Variants in STPG2 observed in about 807,000 individuals in gnomAD.
The protein encoded by STPG2 is sperm tail PG-rich repeat containing 2, also known as sperm-tail PG-rich repeat-containing protein 2.
In STPG2, 56 loss-of-function variants were observed where a neutral mutation model predicts 54.2. The ratio of observed to expected loss-of-function variants is 1.03; its 90% CI spans 0.83 to 1.29. The LOEUF (loss-of-function observed/expected upper bound fraction) is 1.29, where lower values mean the gene tolerates loss of function less well. Ranked by LOEUF, STPG2 falls within the 50% of genes most tolerant of loss-of-function variation. STPG2 has a pLI of 0.00. For synonymous variants in STPG2, 200 were observed against 181.8 expected, an observed-to-expected ratio of 1.10 and a Z score of -0.81; for missense variants, 596 against 544.9, an observed-to-expected ratio of 1.09 and a Z score of -0.93.
intron 10 of STPG2, among the ~76,000 whole-genome samples, chr4:97,699,457 C>T (rs777871208): frequency 2.0e-5 from 3 of 152,220 alleles, no homozygotes; most frequent in Non-Finnish European, 4.4e-5. Context: ...ATCCACATAC[C>T]TCTTCCATAA....
chr4:97,648,552 A>G (rs556773282), intron 10 of STPG2, among the ~76,000 whole-genome samples: 21 of 152,278 alleles, frequency 1.4e-4, no homozygotes, highest in Admixed American at 4.6e-4. Context: ...AATGAAATTT[A>G]TTACTACTAA....
At chr4:98,026,720 C>CT (rs1736435354) in intron 5 of STPG2, among the ~76,000 whole-genome samples, 1 of 152,184 alleles carries the variant, frequency 6.6e-6, no homozygotes, top group Non-Finnish European at 1.5e-5. Flanking sequence ...GCTATGCCCT[C>CT]TCCAGTGAGA....
chr4:97,815,552 G>A (rs1243387071), intron 9 of STPG2, among the ~76,000 whole-genome samples: 4 of 151,966 alleles, frequency 2.6e-5, no homozygotes, highest in Admixed American at 1.3e-4. Flanking sequence ...TCACTCTCTT[G>A]TCATGTAACA....
intron 9 of STPG2, among the ~76,000 whole-genome samples, chr4:97,735,500 T>A (rs989140263): frequency 6.6e-6 from 1 of 150,842 alleles, no homozygotes; most frequent in East Asian, 1.9e-4. Flanking sequence ...TTCAGTGCTA[T>A]ATAATTCATC....
At chr4:97,735,111 C>T (rs1439447807) in intron 9 of STPG2, among the ~76,000 whole-genome samples, 1 of 150,614 alleles carries the variant, frequency 6.6e-6, no homozygotes, top group Non-Finnish European at 1.5e-5. Flanking sequence ...AGGAAACAAT[C>T]AATAAAAAGA....
intron 8 of STPG2, among the ~76,000 whole-genome samples, chr4:97,921,955 G>T (rs1250272054): frequency 6.6e-6 from 1 of 152,184 alleles, no homozygotes; most frequent in African/African-American, 2.4e-5. Context: ...TCACTTATAT[G>T]TTGAATGTAA....
intron 5 of STPG2, among the ~76,000 whole-genome samples, chr4:98,036,762 A>G (rs550204053): frequency 1.4e-4 from 21 of 152,214 alleles, no homozygotes; most frequent in African/African-American, 5.1e-4. Flanking sequence ...CCTTGACACA[A>G]GTTTACCTAT....
At chr4:97,471,633 A>G (rs1223714200) in intron 4 of STPG2, among the ~76,000 whole-genome samples, 1 of 152,144 alleles carries the variant, frequency 6.6e-6, no homozygotes, top group African/African-American at 2.4e-5. Flanking sequence ...GGGAAAAAAG[A>G]TCAGCACCCA....
chr4:97,815,727 C>T (rs1337446857), intron 9 of STPG2, among the ~76,000 whole-genome samples: 1 of 152,058 alleles, frequency 6.6e-6, no homozygotes, highest in Non-Finnish European at 1.5e-5. Context: ...GATAGCTGCA[C>T]TATGTTAGGC....
intron 4 of STPG2, among the ~76,000 whole-genome samples, chr4:97,481,739 T>G (rs1162402168): frequency 6.6e-6 from 1 of 151,670 alleles, no homozygotes; most frequent in Non-Finnish European, 1.5e-5. Flanking sequence ...CTAGTGTCTT[T>G]TTTGTAAGCT....
At chr4:97,626,291 A>T (rs1235343181) in intron 10 of STPG2, among the ~76,000 whole-genome samples, 1 of 152,172 alleles carries the variant, frequency 6.6e-6, no homozygotes, top group African/African-American at 2.4e-5. Flanking sequence ...CCCAGTATAC[A>T]CAATGCTCTT....
chr4:97,587,185 G>A (rs1733022304), intron 10 of STPG2, among the ~76,000 whole-genome samples: 1 of 151,742 alleles, frequency 6.6e-6, no homozygotes, highest in Non-Finnish European at 1.5e-5. Context: ...TGAATGAAAT[G>A]GGTAAATTTT....
intron 9 of STPG2, among the ~76,000 whole-genome samples, chr4:97,797,591 A>G (rs1039023054): frequency 1.3e-5 from 2 of 152,310 alleles, no homozygotes; most frequent in Admixed American, 6.5e-5. Flanking sequence ...TTGGTTAGCC[A>G]GTGTATTATT....
At chr4:98,024,705 C>T (rs1736358005) in intron 5 of STPG2, among the ~76,000 whole-genome samples, 1 of 152,196 alleles carries the variant, frequency 6.6e-6, no homozygotes, top group Non-Finnish European at 1.5e-5. Flanking sequence ...TATTATATAA[C>T]ATTTGATAGC....
chr4:97,702,586 C>T (rs1040303893), intron 10 of STPG2, among the ~76,000 whole-genome samples: 8 of 152,068 alleles, frequency 5.3e-5, no homozygotes, highest in African/African-American at 1.9e-4. Flanking sequence ...TCACTGTTGC[C>T]TCAGGTAGTG....
chr4:98,062,887 T>C (rs147328626), intron 5 of STPG2, among the ~76,000 whole-genome samples: 81 of 152,066 alleles, frequency 5.3e-4, no homozygotes, highest in African/African-American at 1.9e-3. Context: ...AAGTAGTAAT[T>C]ATATAGTTAT....
intron 5 of STPG2, among the ~76,000 whole-genome samples, chr4:97,989,913 A>G (rs1031894126): frequency 6.6e-6 from 1 of 152,214 alleles, no homozygotes; most frequent in Non-Finnish European, 1.5e-5. Context: ...TTTTCCATTT[A>G]ATATTTTCAG....
chr4:97,920,909 T>C (rs1732082141), intron 8 of STPG2, among the ~76,000 whole-genome samples: 1 of 152,198 alleles, frequency 6.6e-6, no homozygotes, highest in Admixed American at 6.5e-5. Context: ...GAGTGGTATC[T>C]GCAAGATGGG....
In STPG2 at chr4:97,503,804, A is replaced by T. The variant is rs1029594857; in HGVS notation, c.462+208895T>A. On this transcript the variant is annotated intron_variant, in intron 4 of 4. Transcript: ENST00000522676. ...TTTCATATTCATATAAATATATTTT[A>T]AAAATATATTTAAATATTTTAAAAA... is the stretch of plus-strand genomic sequence containing the variant. 1.8e-4 allele frequency among the ~76,000 whole-genome samples: 25 copies of T among 139,654 alleles called. No homozygotes were observed. The East Asian group carries it at 3.9e-3, about 22-fold the overall frequency. 91.6% of individuals were successfully genotyped at this position (139,654 alleles called of 152,430 possible). A position where few individuals can be genotyped will look rare whatever the true frequency, so the allele number is the denominator to read the frequency against.
Sources: allele counts gnomAD v4.1 joint callset (sites outside exome capture counted in the v4.1 genomes callset), GRCh38; gene constraint gnomAD v4.1.1; transcripts MANE v1.5; gene names NCBI Gene and HGNC (gene_info 2026-07-23, HGNC 2026-07-21).